OR56A3: variants seen among roughly 807,000 people sequenced by gnomAD.
OR56A3 encodes olfactory receptor 56A3.
Under a neutral mutation model 17.5 loss-of-function variants are expected in OR56A3, and 23 were observed. The ratio of observed to expected loss-of-function variants is 1.32; its 90% CI spans 0.95 to 1.87. The LOEUF (loss-of-function observed/expected upper bound fraction) is 1.87, where lower values mean the gene tolerates loss of function less well. Ranked by LOEUF, OR56A3 falls within the 40% of genes most tolerant of loss-of-function variation. OR56A3 has a pLI of 0.00. For missense variants in OR56A3, 366 were observed against 380.1 expected, an observed-to-expected ratio of 0.96 and a Z score of 0.31; for synonymous variants, 175 against 150.6, an observed-to-expected ratio of 1.16 and a Z score of -1.19.
the OR56A3 span, chr11:6,001,450 T>C: frequency 6.6e-6 from 1 of 151,802 alleles, no homozygotes; most frequent in African/African-American, 2.4e-5. Flanking sequence ...CTCAGAGAGG[T>C]GGTACAGACT....
the OR56A3 span, among the ~76,000 whole-genome samples, chr11:5,984,713 T>G: frequency 6.6e-6 from 1 of 152,214 alleles, no homozygotes; most frequent in African/African-American, 2.4e-5. Context: ...GTTAAAGGCC[T>G]GATACTAAGC....
At chr11:5,963,923 T>G in the OR56A3 span, among the ~76,000 whole-genome samples, 1 of 152,062 alleles carries the variant, frequency 6.6e-6, no homozygotes, top group East Asian at 1.9e-4. Flanking sequence ...TGTCTATATA[T>G]TTTTCAATAA....
chr11:6,006,019 A>G, the OR56A3 span, among the ~76,000 whole-genome samples: 1 of 152,218 alleles, frequency 6.6e-6, no homozygotes, highest in African/African-American at 2.4e-5. Flanking sequence ...TAAGATCTGA[A>G]CAAAAGTAAT....
At chr11:5,951,582 A>G (rs1249259139), downstream of OR56A3, among the ~76,000 whole-genome samples, 1 of 152,140 alleles carries the variant, frequency 6.6e-6, no homozygotes, top group African/African-American at 2.4e-5. Context: ...CACATTACTC[A>G]TAATTAAGTT....
At chr11:5,975,814 A>G in the OR56A3 span, among the ~76,000 whole-genome samples, 19 of 152,198 alleles carry the variant, frequency 1.2e-4, no homozygotes, top group South Asian at 1.2e-3. Flanking sequence ...ACTAGTTTAC[A>G]GTCTCACCAA....
chr11:6,003,281 A>G, the OR56A3 span: 1 of 563,502 alleles, frequency 1.8e-6, no homozygotes, highest in Non-Finnish European at 2.9e-6. Flanking sequence ...GTAATAAAAT[A>G]GAGATAAGGG....
At chr11:5,986,348 C>A in the OR56A3 span, 1 of 1,613,970 alleles carries the variant, frequency 6.2e-7, no homozygotes, top group Non-Finnish European at 8.5e-7. Flanking sequence ...TCACAATAGG[C>A]ATGGCCTATG....
the OR56A3 span, among the ~76,000 whole-genome samples, chr11:5,960,453 G>A: frequency 6.6e-6 from 1 of 152,224 alleles, no homozygotes; most frequent in Non-Finnish European, 1.5e-5. Flanking sequence ...TGGAGACCGG[G>A]TTTCGCCCTG....
the OR56A3 span, chr11:5,985,863 T>C: frequency 7.4e-7 from 1 of 1,360,464 alleles, no homozygotes; most frequent in South Asian, 1.5e-5. Context: ...TGTATTCATG[T>C]AATCTACACC....
the OR56A3 span, chr11:5,994,348 G>T: frequency 5.8e-6 from 4 of 685,950 alleles, no homozygotes; most frequent in African/African-American, 5.3e-5. Context: ...TCCTCAATCT[G>T]CTGAGACCAG....
Position 5,947,634 on chromosome 11 carries a change from C to T in OR56A3, c.288C>T (p.Ile96=), listed in dbSNP as rs374273426. 6.2e-7 allele frequency: 1 copy of T among 1,614,124 alleles called. No individual in the cohort carries two copies. Among genetic ancestry groups the T allele is most frequent in the Non-Finnish European group, 8.5e-7 (1 of 1,180,054 alleles). Reference sequence around the variant, plus strand: ...TCTTCTGGTTTGACCTCAGGCCCATCAGCTTCCCTGCCTGCTTCCTCCAGA... The same window carrying T: ...TCTTCTGGTTTGACCTCAGGCCCATTAGCTTCCCTGCCTGCTTCCTCCAGA... ...LTIFWFDLRP[I]SFPACFLQMY... is the part of the protein sequence containing the mutation. The change falls in exon 3 of 3, where the codon ATC becomes ATT. Residue 96 remains isoleucine (I), a synonymous_variant. Coordinates refer to ENST00000641160, the MANE Select transcript of OR56A3 (RefSeq NM_001003443.3).
At chr11:5,962,586 C>A in the OR56A3 span, among the ~76,000 whole-genome samples, 117 of 146,386 alleles carry the variant, frequency 8.0e-4, no homozygotes, top group Non-Finnish European at 1.3e-3. Context: ...GGCCAGACTG[C>A]GGACTGCAGT....
chr11:6,004,159 C>A, the OR56A3 span, among the ~76,000 whole-genome samples: 2 of 152,120 alleles, frequency 1.3e-5, no homozygotes, highest in Non-Finnish European at 2.9e-5. Context: ...CAAGACCAGC[C>A]TGGCCAACAT....
At chr11:5,975,669 C>T in the OR56A3 span, among the ~76,000 whole-genome samples, 8 of 151,940 alleles carry the variant, frequency 5.3e-5, no homozygotes, top group African/African-American at 9.7e-5. Context: ...AATAAACATA[C>T]GTGTGCATGT....
At chr11:5,989,699 G>A in the OR56A3 span, among the ~76,000 whole-genome samples, 1 of 152,096 alleles carries the variant, frequency 6.6e-6, no homozygotes, top group South Asian at 2.1e-4. Flanking sequence ...CAGATAATAG[G>A]TACACTAAAA....
the OR56A3 span, chr11:6,019,266 C>T: frequency 6.6e-6 from 1 of 151,382 alleles, no homozygotes; most frequent in East Asian, 1.9e-4. Flanking sequence ...ATATAAAAAT[C>T]CTCTGCAAAA....
rs1847903442 is a variant in OR56A3 at position 5,950,848 on chromosome 11, G to C, written c.*2554G>C. 1 of 152,050 alleles carries C rather than the reference G, an allele frequency of 6.6e-6. No homozygotes were observed. Among genetic ancestry groups the C allele is most frequent in the South Asian group, 2.1e-4 (1 of 4,822 alleles). The allele number at this position is 152,050 out of a possible 1,614,324, so 9.4% of individuals were successfully genotyped here. ...TAGCCACGTGAGGCTAGTGACTATGGTATTAATCAGTACTACTCTAGAAAT... is the reference window on the plus strand; with the variant it reads ...TAGCCACGTGAGGCTAGTGACTATGCTATTAATCAGTACTACTCTAGAAAT... On this transcript the variant is annotated 3_prime_UTR_variant, in exon 3 of 3. Transcript: ENST00000641160.
the OR56A3 span, chr11:6,021,074 G>A: frequency 6.6e-6 from 1 of 152,026 alleles, no homozygotes; most frequent in East Asian, 1.9e-4. Context: ...AAAAAGAGTG[G>A]CATGGAGAAA....
chr11:5,972,458 C>G, the OR56A3 span, among the ~76,000 whole-genome samples: 4 of 152,166 alleles, frequency 2.6e-5, no homozygotes, highest in Non-Finnish European at 4.4e-5. Context: ...TCCCTTACCC[C>G]TGAAACTCAC....
Sources: allele counts gnomAD v4.1 joint callset (sites outside exome capture counted in the v4.1 genomes callset), GRCh38; gene constraint gnomAD v4.1.1; transcripts MANE v1.5; gene names NCBI Gene and HGNC (gene_info 2026-07-23, HGNC 2026-07-21).